Variants in SUSD6 observed in about 807,000 individuals in gnomAD.
SUSD6 encodes sushi domain containing 6, also known as sushi domain-containing protein 6.
A neutral mutation model predicts 28.4 loss-of-function variants in SUSD6; 16 were observed. That is an observed-to-expected ratio of 0.56 (90% CI 0.38 to 0.86). SUSD6 has a LOEUF of 0.86. Ranked by LOEUF, SUSD6 falls within the 40% of genes least tolerant of loss-of-function variation. The probability of loss-of-function intolerance (pLI) is 0.00; values close to 1 mark genes in which losing one functional copy is unlikely to be tolerated. For missense variants in SUSD6, 341 were observed against 384.2 expected (o/e 0.89, Z 0.94); for synonymous variants, 147 against 159.6 (o/e 0.92, Z 0.59).
At chr14:69,653,447 CAG>C (rs1349404529) in intron 1 of SUSD6, among the ~76,000 whole-genome samples, 5 of 152,192 alleles carry the variant, frequency 3.3e-5, no homozygotes, top group African/African-American at 1.2e-4. Context: ...GATGTGGAAA[CAG>C]AAGGCAGAGA....
In SUSD6 at chr14:69,711,232, T is replaced by C. The variant is rs1444279528; in HGVS notation, c.*253T>C. 2 of 560,474 alleles carry C rather than the reference T, an allele frequency of 3.6e-6. No individual in the cohort carries two copies. Among genetic ancestry groups the C allele is most frequent in the Non-Finnish European group, 6.4e-6 (2 of 313,530 alleles). 34.7% of individuals were successfully genotyped at this position (560,474 alleles called of 1,614,324 possible). Reference sequence around the variant, plus strand: ...CCCGCCTTCCCATCTGTCAGAGACATATTTGAATGTGCTGGATCAAACCCT... The same window carrying C: ...CCCGCCTTCCCATCTGTCAGAGACACATTTGAATGTGCTGGATCAAACCCT... On this transcript the variant is annotated 3_prime_UTR_variant, in exon 6 of 6. Transcript: ENST00000342745.
At chr14:69,671,958 A>G (rs924927249) in intron 2 of SUSD6, among the ~76,000 whole-genome samples, 8 of 152,228 alleles carry the variant, frequency 5.3e-5, no homozygotes, top group African/African-American at 1.9e-4. Flanking sequence ...AAGATTGTGA[A>G]TAATAGGATT....
chr14:69,614,375 T>C (rs1884928547), intron 1 of SUSD6, among the ~76,000 whole-genome samples: 1 of 152,226 alleles, frequency 6.6e-6, no homozygotes, highest in African/African-American at 2.4e-5. Flanking sequence ...CCTGAACTTG[T>C]GTTCTTATGT....
intron 2 of SUSD6, among the ~76,000 whole-genome samples, chr14:69,662,596 T>TA (rs1315955008): frequency 2.0e-5 from 3 of 152,228 alleles, no homozygotes; most frequent in African/African-American, 7.2e-5. Flanking sequence ...AGGCGTATCT[T>TA]ATTCTTCACA....
intron 2 of SUSD6, among the ~76,000 whole-genome samples, chr14:69,683,170 T>C (rs1182020748): frequency 6.6e-6 from 1 of 152,098 alleles, no homozygotes; most frequent in Non-Finnish European, 1.5e-5. Context: ...TCTCAGAGTT[T>C]GCCACGACTG....
In SUSD6 at chr14:69,711,449, C is replaced by G. The variant is rs973840671; in HGVS notation, c.*470C>G. ...TGCTGCCCCCTGCCACACAGGGGGC[C>G]GGGCCTGGGTCTGTCCTGTTTCCTT... On this transcript the variant is annotated 3_prime_UTR_variant, in exon 6 of 6. Transcript: ENST00000342745. The G allele has an allele frequency of 6.0e-6, 1 of 167,000 alleles. No individual in the cohort carries two copies. Among genetic ancestry groups the G allele is most frequent in the Non-Finnish European group, 1.3e-5 (1 of 76,822 alleles). 10.3% of individuals were successfully genotyped at this position (167,000 alleles called of 1,614,324 possible).
At chr14:69,660,389 C>G (rs1444888123) in intron 2 of SUSD6, among the ~76,000 whole-genome samples, 6 of 152,226 alleles carry the variant, frequency 3.9e-5, no homozygotes, top group African/African-American at 1.4e-4. Context: ...AGCCTTTTCC[C>G]CCTAGGCATG....
chr14:69,641,702 A>G (rs1170224523), intron 1 of SUSD6, among the ~76,000 whole-genome samples: 1 of 151,462 alleles, frequency 6.6e-6, no homozygotes, highest in Non-Finnish European at 1.5e-5. Context: ...CAGTCCTCCC[A>G]CCTCAGTCTC....
Position 69,708,737 on chromosome 14 carries a change from A to G in SUSD6, c.519A>G (p.Ala173=), listed in dbSNP as rs1435750986. Residue 173 remains alanine (A), a synonymous_variant, in exon 5 of 6, where the codon GCA becomes GCG. Transcript: ENST00000342745. ...TCATGGTGGATGGAGTCCAGGTTGC[A>G]CTACCATCATACGAGGAGGCTGTAT... is the stretch of plus-strand genomic sequence containing the variant. ...VSIMVDGVQV[A]LPSYEEAVYG... 1 of 1,612,796 alleles carries G rather than the reference A, an allele frequency of 6.2e-7. No individual in the cohort carries two copies. Among genetic ancestry groups the G allele is most frequent in the Non-Finnish European group, 8.5e-7 (1 of 1,179,402 alleles).
intron 2 of SUSD6, among the ~76,000 whole-genome samples, chr14:69,667,048 G>A (rs1291329444): frequency 6.6e-6 from 1 of 152,164 alleles, no homozygotes; most frequent in African/African-American, 2.4e-5. Flanking sequence ...GGACCTTTGT[G>A]TTTATTGTCA....
chr14:69,644,887 T>C (rs1181643230), intron 1 of SUSD6, among the ~76,000 whole-genome samples: 1 of 152,116 alleles, frequency 6.6e-6, no homozygotes, highest in Non-Finnish European at 1.5e-5. Context: ...CTAGAACATA[T>C]AGACCTTGGC....
intron 2 of SUSD6, among the ~76,000 whole-genome samples, chr14:69,665,516 G>A (rs898563795): frequency 6.6e-6 from 1 of 152,194 alleles, no homozygotes; most frequent in African/African-American, 2.4e-5. Flanking sequence ...GCCTCCCAAA[G>A]TGCTGGGATT....
intron 1 of SUSD6, among the ~76,000 whole-genome samples, chr14:69,625,885 C>T (rs979679665): frequency 6.6e-6 from 1 of 152,198 alleles, no homozygotes; most frequent in Non-Finnish European, 1.5e-5. Context: ...CCCGCGTCTG[C>T]TCATCCTCTC....
In SUSD6 at chr14:69,711,785, T is replaced by C. The variant is rs1886466814; in HGVS notation, c.*806T>C. On this transcript the variant is annotated 3_prime_UTR_variant, in exon 6 of 6. Transcript: ENST00000342745. ...GCTGATAATGATTGTCTTCCTAATA[T>C]GCAAGTTCTCACTTCCTACTTCCAG... 6.6e-6 allele frequency: 1 copy of C among 152,322 alleles called. No homozygotes were observed. Among genetic ancestry groups the C allele is most frequent in the African/African-American group, 2.4e-5 (1 of 41,472 alleles). The allele number at this position is 152,322 out of a possible 1,614,324, so 9.4% of individuals were successfully genotyped here.
intron 1 of SUSD6, among the ~76,000 whole-genome samples, chr14:69,641,947 G>T (rs774158346): frequency 6.6e-6 from 1 of 151,980 alleles, no homozygotes; most frequent in Non-Finnish European, 1.5e-5. Context: ...CATCATGCTC[G>T]TGCTTTGTTC....
At chr14:69,631,979 A>G (rs1488860744) in intron 1 of SUSD6, among the ~76,000 whole-genome samples, 2 of 152,218 alleles carry the variant, frequency 1.3e-5, no homozygotes, top group Non-Finnish European at 2.9e-5. Flanking sequence ...TGTTAATACC[A>G]ACAACAGTTT....
At chr14:69,699,539 CTTT>C (rs61008483) in intron 2 of SUSD6, among the ~76,000 whole-genome samples, 1 of 136,800 alleles carries the variant, frequency 7.3e-6, no homozygotes. Context: ...AATGACTTGC[CTTT>C]TTTTTTTTTT....
At chr14:69,691,344 C>CT (rs1336621039) in intron 2 of SUSD6, among the ~76,000 whole-genome samples, 1 of 152,172 alleles carries the variant, frequency 6.6e-6, no homozygotes, top group Admixed American at 6.5e-5. Context: ...GAGCAAAACT[C>CT]TATCTCAAAA....
At chr14:69,666,814 GT>G (rs140339215) in intron 2 of SUSD6, among the ~76,000 whole-genome samples, 5 of 150,258 alleles carry the variant, frequency 3.3e-5, no homozygotes, top group African/African-American at 4.9e-5. Context: ...TCTTGGCCAA[GT>G]TTTTTTTTTC....
Sources: gnomAD v4.1 joint callset for allele counts (sites outside exome capture counted in the v4.1 genomes callset) on GRCh38, gnomAD v4.1.1 for gene constraint, MANE v1.5 for transcripts, NCBI Gene and HGNC (gene_info 2026-07-23, HGNC 2026-07-21) for gene names.